Variants in PCGF5 observed in about 807,000 individuals in gnomAD.
PCGF5 encodes the protein polycomb group ring finger 5, also known as polycomb group RING finger protein 5.
Under a neutral mutation model 44.3 loss-of-function variants are expected in PCGF5, and 9 were observed. That is an observed-to-expected ratio of 0.20 (90% CI 0.12 to 0.35). PCGF5 has a LOEUF of 0.35. PCGF5 is among the 10% of genes least tolerant of loss of function. The probability of loss-of-function intolerance (pLI) is 1.00; values close to 1 mark genes in which losing one functional copy is unlikely to be tolerated. For synonymous variants in PCGF5, 95 were observed against 102.5 expected, an observed-to-expected ratio of 0.93 and a Z score of 0.44; for missense variants, 146 against 305.3, an observed-to-expected ratio of 0.48 and a Z score of 3.89.
In PCGF5 at chr10:91,279,661, A is replaced by G. The variant is rs891660782; in HGVS notation, c.*1345A>G. The G allele has an allele frequency of 6.6e-6, 1 of 152,134 alleles. No individual in the cohort carries two copies. The highest frequency in any genetic ancestry group is 1.9e-4 in the East Asian group (1 of 5,198). The allele number at this position is 152,134 out of a possible 1,614,324, so 9.4% of individuals were successfully genotyped here. A position where few individuals can be genotyped will look rare whatever the true frequency, so the allele number is the denominator to read the frequency against. On this transcript the variant is annotated 3_prime_UTR_variant, in exon 10 of 10. Coordinates refer to ENST00000336126, the MANE Select transcript of PCGF5 (RefSeq NM_032373.5). ...CAGTTTTCAAAAACCTTACTTGGAA[A>G]TTGCTTTGAAACAAACAAGCTAACC...
At chr10:91,270,995 G>A (rs1004639265) in intron 8 of PCGF5, among the ~76,000 whole-genome samples, 2 of 151,222 alleles carry the variant, frequency 1.3e-5, no homozygotes, top group Non-Finnish European at 2.9e-5. Context: ...TAGTTTTAAA[G>A]TGTGTTCACT....
chr10:91,193,900 A>G (rs1370772010), intron 1 of PCGF5, among the ~76,000 whole-genome samples: 1 of 152,098 alleles, frequency 6.6e-6, no homozygotes, highest in Non-Finnish European at 1.5e-5. Flanking sequence ...CAGATTCTAG[A>G]TATGTGTTAA....
At chr10:91,233,947 T>TA (rs1190650391) in intron 2 of PCGF5, among the ~76,000 whole-genome samples, 1 of 152,194 alleles carries the variant, frequency 6.6e-6, no homozygotes, top group South Asian at 2.1e-4. Context: ...TGAAGACACT[T>TA]AAAGACATGA....
chr10:91,277,124 A>C (rs909327389), intron 9 of PCGF5, among the ~76,000 whole-genome samples: 1 of 152,146 alleles, frequency 6.6e-6, no homozygotes, highest in Non-Finnish European at 1.5e-5. Flanking sequence ...GGAGAGCAAG[A>C]CCTAGGGCAT....
intron 1 of PCGF5, among the ~76,000 whole-genome samples, chr10:91,187,788 A>G (rs1843954182): frequency 6.6e-6 from 1 of 152,154 alleles, no homozygotes; most frequent in Non-Finnish European, 1.5e-5. Flanking sequence ...CTGTGTAGCC[A>G]GAATTCTAGT....
At chr10:91,227,047 A>G (rs967821535) in intron 2 of PCGF5, among the ~76,000 whole-genome samples, 1 of 152,182 alleles carries the variant, frequency 6.6e-6, no homozygotes, top group African/African-American at 2.4e-5. Flanking sequence ...TTAATAGCCT[A>G]ACAAACCAAA....
intron 1 of PCGF5, among the ~76,000 whole-genome samples, chr10:91,173,595 T>TTTTTTTTTCC (rs71025342): frequency 7.1e-6 from 1 of 140,756 alleles, no homozygotes; most frequent in Non-Finnish European, 1.6e-5. Flanking sequence ...TTTTTTTTTT[T>TTTTTTTTTCC]CCCACAGAAG....
intron 1 of PCGF5, among the ~76,000 whole-genome samples, chr10:91,207,451 T>C (rs1303124452): frequency 1.3e-5 from 2 of 152,232 alleles, no homozygotes; most frequent in African/African-American, 4.8e-5. Flanking sequence ...TTACTACAAT[T>C]TTCAATGAAC....
At chr10:91,194,261 G>A (rs1248062208) in intron 1 of PCGF5, among the ~76,000 whole-genome samples, 1 of 152,232 alleles carries the variant, frequency 6.6e-6, no homozygotes, top group Non-Finnish European at 1.5e-5. Flanking sequence ...TTGAGATGGA[G>A]AGATGATCCT....
chr10:91,196,852 A>G (rs2133225119), intron 1 of PCGF5, among the ~76,000 whole-genome samples: 1 of 152,282 alleles, frequency 6.6e-6, no homozygotes, highest in East Asian at 1.9e-4. Flanking sequence ...CATCCCAGCC[A>G]GTGAAATCAC....
intron 1 of PCGF5, among the ~76,000 whole-genome samples, chr10:91,177,937 C>A (rs1043153813): frequency 6.6e-6 from 1 of 152,182 alleles, no homozygotes; most frequent in Admixed American, 6.5e-5. Context: ...CACTGTCCAA[C>A]AATCCCCAGT....
At chr10:91,223,852 T>C (rs1844745630) in intron 2 of PCGF5, among the ~76,000 whole-genome samples, 1 of 152,206 alleles carries the variant, frequency 6.6e-6, no homozygotes, top group South Asian at 2.1e-4. Flanking sequence ...TGGAAACTAA[T>C]GGATAAGTAA....
chr10:91,261,231 A>G, intron 6 of PCGF5, 95 bp from the exon 7 acceptor site: 1 of 1,324,440 alleles, frequency 7.6e-7, no homozygotes, highest in Non-Finnish European at 9.9e-7. Context: ...AATACTCAAA[A>G]TGATAGTGAA....
chr10:91,260,476 T>C (rs889226953), intron 6 of PCGF5, among the ~76,000 whole-genome samples: 1 of 152,056 alleles, frequency 6.6e-6, no homozygotes, highest in African/African-American at 2.4e-5. Flanking sequence ...ACCCAAAGGA[T>C]TATAAATCAT....
intron 1 of PCGF5, among the ~76,000 whole-genome samples, chr10:91,189,617 A>G (rs1843995937): frequency 6.6e-6 from 1 of 152,238 alleles, no homozygotes; most frequent in African/African-American, 2.4e-5. Flanking sequence ...ATACATATCT[A>G]CATGAAAATG....
At chr10:91,188,554 A>T (rs1452851787) in intron 1 of PCGF5, among the ~76,000 whole-genome samples, 1 of 152,224 alleles carries the variant, frequency 6.6e-6, no homozygotes, top group Non-Finnish European at 1.5e-5. Context: ...CTTCTCCCTT[A>T]TGTACCTACT....
At chr10:91,247,459 A>T (rs935457699) in intron 3 of PCGF5, among the ~76,000 whole-genome samples, 2 of 152,090 alleles carry the variant, frequency 1.3e-5, no homozygotes, top group Non-Finnish European at 2.9e-5. Flanking sequence ...GAGAAACAGA[A>T]TAATAGTTTG....
chr10:91,160,644 G>C (rs755692678), upstream of PCGF5, among the ~76,000 whole-genome samples: 25 of 152,078 alleles, frequency 1.6e-4, no homozygotes, highest in Non-Finnish European at 3.1e-4. Flanking sequence ...CTCTGGGGGG[G>C]AAAAGAAGTC....
At chr10:91,229,727 T>C (rs925112362) in intron 2 of PCGF5, among the ~76,000 whole-genome samples, 6 of 152,118 alleles carry the variant, frequency 3.9e-5, no homozygotes, top group African/African-American at 1.4e-4. Context: ...TCTGAATGAA[T>C]AGCCATTTTA....
Sources: allele counts gnomAD v4.1 joint callset (sites outside exome capture counted in the v4.1 genomes callset), GRCh38; gene constraint gnomAD v4.1.1; transcripts MANE v1.5; gene names NCBI Gene and HGNC (gene_info 2026-07-23, HGNC 2026-07-21).